The following NAPG variants were observed in gnomAD, a reference collection of about 807,000 sequenced individuals.
NAPG encodes the protein gamma-soluble NSF attachment protein.
A neutral mutation model predicts 48.4 loss-of-function variants in NAPG; 25 were observed. The observed-to-expected ratio is 0.52, with a 90% CI of 0.38 to 0.72. The LOEUF is 0.72. Ranked by LOEUF, NAPG falls within the 30% of genes least tolerant of loss-of-function variation. NAPG has a pLI of 0.00. For synonymous variants in NAPG, 139 were observed against 127.2 expected (o/e 1.09, Z -0.62); for missense variants, 359 against 372.5 (o/e 0.96, Z 0.30).
At position 10,532,730 on chromosome 18, in the gene NAPG, C is replaced by T. The variant is rs1362832274; in HGVS notation, c.144C>T (p.Ala48=). 3 of 1,586,234 alleles carry T rather than the reference C, an allele frequency of 1.9e-6. No homozygotes were observed. The highest frequency in any genetic ancestry group is 4.5e-5 in the East Asian group (2 of 44,086). Residue 48 remains alanine, a synonymous_variant, in exon 3 of 12, where the codon GCC becomes GCT. Transcript: ENST00000322897. The part of the protein sequence containing the change: ...YGKAAVAFKN[A]KQFEQAKDAC... The stretch of plus-strand genomic sequence containing the variant: ...TTTCAGCTGTTGCTTTTAAAAATGC[C>T]AAACAGTTTGAGCAAGCAAAAGATG...
chr18:10,548,907 C>T lies in NAPG; in HGVS notation c.666-60C>T, dbSNP rs2032324827. The T allele has an allele frequency of 1.9e-6, 3 of 1,577,910 alleles. No homozygotes were observed. Among genetic ancestry groups the T allele is most frequent in the East Asian group, 4.5e-5 (2 of 44,180 alleles). On this transcript the variant is annotated intron_variant, in intron 10 of 11. Coordinates refer to ENST00000322897, the MANE Select transcript of NAPG (RefSeq NM_003826.3). The surrounding 1 kb of genome is among the most constrained non-coding windows in gnomAD (Gnocchi z 4.4). ...TCACATGCCAGGGGCAGAATCATCC[C>T]TGCCTGAGATGTGTTCTTTTAAGGA...
intron 1 of NAPG, among the ~76,000 whole-genome samples, chr18:10,528,450 G>A (rs2031864203): frequency 6.6e-6 from 1 of 152,204 alleles, no homozygotes; most frequent in Non-Finnish European, 1.5e-5. Context: ...GAGATAGGAA[G>A]CAAGGAAAAG....
Position 10,543,634 on chromosome 18 carries a change from G to A in NAPG, c.507-2692G>A, listed in dbSNP as rs1486079220. On this transcript the variant is annotated intron_variant, in intron 8 of 11. Coordinates refer to ENST00000322897, the MANE Select transcript of NAPG (RefSeq NM_003826.3). The surrounding 1 kb of genome is among the most constrained non-coding windows in gnomAD (Gnocchi z 4.4). Reference sequence around the variant, plus strand: ...TGTTGAAAGCTTGGGGATGAATGAGGTTCTGTGACAGTTTTCTGCCATTTG... The same window carrying A: ...TGTTGAAAGCTTGGGGATGAATGAGATTCTGTGACAGTTTTCTGCCATTTG... Among the ~76,000 whole-genome samples, 1 of 152,132 alleles carries A rather than the reference G, an allele frequency of 6.6e-6. No individual in the cohort carries two copies. The highest frequency in any genetic ancestry group is 1.5e-5 in the Non-Finnish European group (1 of 68,028).
rs1323742011 is a variant in NAPG at position 10,526,323 on chromosome 18, C to G, written c.56+165C>G. 3 of 670,408 alleles carry G rather than the reference C, an allele frequency of 4.5e-6. No homozygotes were observed. In the African/African-American group the frequency reaches 5.5e-5, roughly 12 times the overall value. The allele number at this position is 670,408 out of a possible 1,614,324, so 41.5% of individuals were successfully genotyped here. ...GGCTCGGTGTCCTCTGGGTCACACT[C>G]CCGGGGTCGGGGTCAGCTCTGCGGC... On this transcript the variant is annotated intron_variant, in intron 1 of 11. Coordinates refer to ENST00000322897, the MANE Select transcript of NAPG (RefSeq NM_003826.3).
intron 2 of NAPG, 124 bp from the exon 3 acceptor site, chr18:10,532,587 T>C (rs2031949468): frequency 1.6e-6 from 1 of 630,876 alleles, no homozygotes; most frequent in East Asian, 3.1e-5. Flanking sequence ...TTTATAGTTT[T>C]AGGATACTTC....
chr18:10,536,076 A>C (rs2032026274), intron 5 of NAPG, among the ~76,000 whole-genome samples: 1 of 152,298 alleles, frequency 6.6e-6, no homozygotes, highest in Non-Finnish European at 1.5e-5. Flanking sequence ...TAATTCTCAC[A>C]GCCTCAGTTT....
Position 10,539,591 on chromosome 18 carries a change from G to A in NAPG, c.259-171G>A, listed in dbSNP as rs1035174848. On this transcript the variant is annotated intron_variant, in intron 5 of 11. Coordinates refer to ENST00000322897, the MANE Select transcript of NAPG (RefSeq NM_003826.3). This position sits in a 1 kb window ranked among gnomAD's most constrained non-coding sequence, Gnocchi z 4.7. ...GGGCTTAAAACCTAGATGATGGGTT[G>A]ATAGGTATAGCAAACCACCATGGGA... is the stretch of plus-strand genomic sequence containing the variant. The A allele has an allele frequency of 1.3e-5, 8 of 596,766 alleles. No homozygotes were observed. Among genetic ancestry groups the A allele is most frequent in the Non-Finnish European group, 2.4e-5 (8 of 336,356 alleles). 37.0% of individuals were successfully genotyped at this position (596,766 alleles called of 1,614,324 possible).
rs570328236 is a variant in NAPG at position 10,548,583 on chromosome 18, C to A, written c.665+205C>A. Among the ~76,000 whole-genome samples the A allele has an allele frequency of 6.6e-6, 1 of 150,928 alleles. No individual in the cohort carries two copies. The highest frequency in any genetic ancestry group is 2.4e-5 in the African/African-American group (1 of 40,830). ...CCTGTATTTTTCTCTAGGGGACCTC[C>A]ATGGAAGTGAATGACTTTAGTCATT... On this transcript the variant is annotated intron_variant, in intron 10 of 11. Transcript: ENST00000322897. The surrounding 1 kb of genome is among the most constrained non-coding windows in gnomAD (Gnocchi z 4.4).
At chr18:10,531,420 C>A (rs1159271450) in intron 2 of NAPG, among the ~76,000 whole-genome samples, 1 of 152,100 alleles carries the variant, frequency 6.6e-6, no homozygotes, top group East Asian at 1.9e-4. Context: ...TTCTGAATTA[C>A]AGAATGATAG....
At chr18:10,528,417 G>C (rs485954) in intron 1 of NAPG, among the ~76,000 whole-genome samples, 50,709 of 152,016 alleles carry the variant, frequency 0.33, 8,560 homozygotes, top group East Asian at 0.41. Flanking sequence ...TGCTAGAATA[G>C]AAGTATTCAG....
At chr18:10,545,679 G>A (rs1362463815) in intron 8 of NAPG, among the ~76,000 whole-genome samples, 1 of 152,226 alleles carries the variant, frequency 6.6e-6, no homozygotes. Flanking sequence ...GGCCTGGAGG[G>A]TTTGGGGGAA....
At position 10,552,091 on chromosome 18, in the gene NAPG, T is replaced by C. The variant is rs772448794; in HGVS notation, c.*1871T>C. ...TGTTTAAACAGATTTGGCAATACTT[T>C]AAAGATACTGTAGACTATTTATGTA... On this transcript the variant is annotated 3_prime_UTR_variant, in exon 12 of 12. Transcript: ENST00000322897. The C allele has an allele frequency of 6.6e-6, 1 of 152,226 alleles. No individual in the cohort carries two copies. The highest frequency in any genetic ancestry group is 1.5e-5 in the Non-Finnish European group (1 of 68,036). The allele number at this position is 152,226 out of a possible 1,614,324, so 9.4% of individuals were successfully genotyped here.
rs1251048876 is a variant in NAPG at position 10,542,652 on chromosome 18, A to G, written c.506+2253A>G. On this transcript the variant is annotated intron_variant, in intron 8 of 11. Coordinates refer to ENST00000322897, the MANE Select transcript of NAPG (RefSeq NM_003826.3). The surrounding 1 kb of genome is among the most constrained non-coding windows in gnomAD (Gnocchi z 4.5). ...AATAGACTGTGTGGCATGGAGTCTAAAGTTTTATGTTTGTTATATTTAGTT... is the reference window on the plus strand; with the variant it reads ...AATAGACTGTGTGGCATGGAGTCTAGAGTTTTATGTTTGTTATATTTAGTT... Among the ~76,000 whole-genome samples, 2 of 152,186 alleles carry G rather than the reference A, an allele frequency of 1.3e-5. No individual in the cohort carries two copies. The highest frequency in any genetic ancestry group is 4.8e-5 in the African/African-American group (2 of 41,444).
chr18:10,537,393 A>G (rs903374765), intron 5 of NAPG, among the ~76,000 whole-genome samples: 1 of 152,228 alleles, frequency 6.6e-6, no homozygotes, highest in Non-Finnish European at 1.5e-5. Context: ...AAGGAAGAGA[A>G]AATATATTTA....
intron 7 of NAPG, 53 bp downstream of exon 7, chr18:10,540,107 AAT>A: frequency 7.2e-7 from 1 of 1,398,390 alleles, no homozygotes; most frequent in African/African-American, 1.5e-5. Flanking sequence ...TTAGATTAAT[AAT>A]ATATAGGAAA....
At position 10,534,384 on chromosome 18, in the gene NAPG, T is replaced by TA; in HGVS notation, c.228-81dup. On this transcript the variant is annotated intron_variant, in intron 4 of 11. Transcript: ENST00000322897. The surrounding 1 kb of genome is among the most constrained non-coding windows in gnomAD (Gnocchi z 5.0). ...CCATTGTAATTGAAGTCACTTTCCTTACCAGTAGTTCCTCACCAGAAAGTT... is the reference window on the plus strand; with the variant it reads ...CCATTGTAATTGAAGTCACTTTCCTTAACCAGTAGTTCCTCACCAGAAAGTT... 8.6e-7 allele frequency: 1 copy of TA among 1,163,154 alleles called. No homozygotes were observed. The highest frequency in any genetic ancestry group is 2.4e-5 in the East Asian group (1 of 42,440). 72.1% of individuals were successfully genotyped at this position (1,163,154 alleles called of 1,614,324 possible).
At chr18:10,531,929 A>G (rs2031935527) in intron 2 of NAPG, among the ~76,000 whole-genome samples, 1 of 152,236 alleles carries the variant, frequency 6.6e-6, no homozygotes, top group South Asian at 2.1e-4. Flanking sequence ...AAAAAGCAAC[A>G]TATGGAAAAG....
At position 10,526,244 on chromosome 18, in the gene NAPG, G is replaced by A; in HGVS notation, c.56+86G>A. On this transcript the variant is annotated intron_variant, in intron 1 of 11. Coordinates refer to ENST00000322897, the MANE Select transcript of NAPG (RefSeq NM_003826.3). ...GCCTTAGCACCCGGGGGGGGCGGGAGGGAGGGCTCAGGGCTGAGGGGCCTC... is the reference window on the plus strand; with the variant it reads ...GCCTTAGCACCCGGGGGGGGCGGGAAGGAGGGCTCAGGGCTGAGGGGCCTC... The A allele has an allele frequency of 5.2e-6, 4 of 768,740 alleles. 1 individual carries two copies. The highest frequency in any genetic ancestry group is 2.0e-5 in the Admixed American group (1 of 51,168). 47.6% of individuals were successfully genotyped at this position (768,740 alleles called of 1,614,324 possible). A position where few individuals can be genotyped will look rare whatever the true frequency, so the allele number is the denominator to read the frequency against.
At chr18:10,530,960 A>C in intron 2 of NAPG, 123 bp downstream of exon 2, 17 of 758,414 alleles carry the variant, frequency 2.2e-5, no homozygotes, top group East Asian at 6.6e-5. Flanking sequence ...AAACAAACAA[A>C]ACAACTGTGC....
Sources: gnomAD v4.1 joint callset for allele counts (sites outside exome capture counted in the v4.1 genomes callset) on GRCh38, gnomAD v4.1.1 for gene constraint, Gnocchi (gnomAD v3.1) non-coding constraint, MANE v1.5 for transcripts, NCBI Gene and HGNC (gene_info 2026-07-23, HGNC 2026-07-21) for gene names.